The following PHKB variants were observed in gnomAD, a reference collection of about 807,000 sequenced individuals.
PHKB encodes phosphorylase kinase regulatory subunit beta.
Under a neutral mutation model 152.1 loss-of-function variants are expected in PHKB, and 122 were observed. The ratio of observed to expected loss-of-function variants is 0.80; its 90% CI spans 0.69 to 0.93. The LOEUF (loss-of-function observed/expected upper bound fraction) is 0.93. Among genes scored for constraint, PHKB ranks in the 40% least tolerant of loss-of-function variants. PHKB has a pLI of 0.00. For synonymous variants in PHKB, 436 were observed against 464.9 expected, an observed-to-expected ratio of 0.94 and a Z score of 0.80; for missense variants, 1,304 against 1,328.4, an observed-to-expected ratio of 0.98 and a Z score of 0.29.
rs199502015 is a variant in PHKB at position 47,515,495 on chromosome 16, C to T, written c.514-26C>T. 22 of 1,052,704 alleles carry T rather than the reference C, an allele frequency of 2.1e-5. No individual in the cohort carries two copies. In the East Asian group the frequency reaches 4.3e-4, roughly 20 times the overall value. 65.2% of individuals were successfully genotyped at this position (1,052,704 alleles called of 1,614,324 possible). A position where few individuals can be genotyped will look rare whatever the true frequency, so the allele number is the denominator to read the frequency against. On this transcript the variant is annotated intron_variant, in intron 5 of 30. Coordinates refer to ENST00000323584, the MANE Select transcript of PHKB (RefSeq NM_000293.3). ...AACTTGTTTTGGTTGTTTCCTTTAACCTTTTAATGTTTCTGTTTGTTGCAG... is the reference window on the plus strand; with the variant it reads ...AACTTGTTTTGGTTGTTTCCTTTAATCTTTTAATGTTTCTGTTTGTTGCAG...
intron 7 of PHKB, among the ~76,000 whole-genome samples, chr16:47,554,190 G>A (rs1011710353): frequency 5.3e-5 from 8 of 152,128 alleles, no homozygotes; most frequent in African/African-American, 1.9e-4. Flanking sequence ...TGTGGCTGCT[G>A]CCTTTTTTTC....
intron 14 of PHKB, among the ~76,000 whole-genome samples, chr16:47,640,006 G>A (rs1015733723): frequency 6.6e-5 from 10 of 152,144 alleles, no homozygotes; most frequent in African/African-American, 1.9e-4. Flanking sequence ...GTTTTTGTTG[G>A]ATTGTTAAAT....
chr16:47,483,178 A>C (rs1969994695), intron 1 of PHKB, among the ~76,000 whole-genome samples: 1 of 149,850 alleles, frequency 6.7e-6, no homozygotes, highest in Non-Finnish European at 1.5e-5. Flanking sequence ...AGCTGGGATT[A>C]CAGGCGCCCA....
At chr16:47,618,353 AGCATATGT>A (rs1477193007) in intron 14 of PHKB, among the ~76,000 whole-genome samples, 2 of 151,926 alleles carry the variant, frequency 1.3e-5, no homozygotes, top group Admixed American at 1.3e-4. Flanking sequence ...GAGAACTGAG[AGCATATGT>A]GCACTCTGCT....
intron 7 of PHKB, among the ~76,000 whole-genome samples, chr16:47,563,994 C>CTTTT (rs899061752): frequency 1.5e-3 from 121 of 81,910 alleles, no homozygotes; most frequent in Middle Eastern, 8.2e-3. Flanking sequence ...TTATTTCATT[C>CTTTT]TTTTTTTTTT....
intron 7 of PHKB, among the ~76,000 whole-genome samples, chr16:47,575,675 T>C (rs953770188): frequency 1.3e-5 from 2 of 151,880 alleles, no homozygotes; most frequent in Non-Finnish European, 2.9e-5. Flanking sequence ...GGACATAGAG[T>C]GTGGAATGAT....
In PHKB at chr16:47,620,624, C is replaced by T. The variant is rs527655677; in HGVS notation, c.1458+9704C>T. Among the ~76,000 whole-genome samples, 134 of 152,236 alleles carry T rather than the reference C, an allele frequency of 8.8e-4. 2 individuals carry two copies. The Middle Eastern group carries it at 0.024, about 27-fold the overall frequency. On this transcript the variant is annotated intron_variant, in intron 14 of 30. Coordinates refer to ENST00000323584, the MANE Select transcript of PHKB (RefSeq NM_000293.3). The stretch of plus-strand genomic sequence containing the variant: ...GGCATGGTGGCTCACGCCTGTAATC[C>T]CAGCACTTGGGGAGGCCGAGGCAAG...
chr16:47,576,848 T>G (rs1401598302), intron 7 of PHKB, among the ~76,000 whole-genome samples: 3 of 152,198 alleles, frequency 2.0e-5, no homozygotes, highest in Non-Finnish European at 4.4e-5. Flanking sequence ...ATTGTTATAT[T>G]TGAGGGGACT....
chr16:47,531,730 A>C (rs1159042779), intron 6 of PHKB, among the ~76,000 whole-genome samples: 2 of 152,220 alleles, frequency 1.3e-5, no homozygotes, highest in African/African-American at 4.8e-5. Context: ...AACTCATGTT[A>C]CGTTTGTGAG....
At chr16:47,504,919 G>A in intron 4 of PHKB, among the ~76,000 whole-genome samples, 1 of 152,222 alleles carries the variant, frequency 6.6e-6, no homozygotes, top group East Asian at 1.9e-4. Context: ...GCACGTGTTA[G>A]GACCTGAAAG....
chr16:47,625,276 C>G (rs997003470), intron 14 of PHKB, among the ~76,000 whole-genome samples: 1 of 152,152 alleles, frequency 6.6e-6, no homozygotes, highest in African/African-American at 2.4e-5. Context: ...AGGGCCTGGC[C>G]CATATAAGTA....
chr16:47,547,975 G>A (rs919522012), intron 7 of PHKB: 8 of 237,910 alleles, frequency 3.4e-5, no homozygotes, highest in South Asian at 1.6e-4. Flanking sequence ...TCCTGACCAC[G>A]GATGCTTACA....
intron 1 of PHKB, among the ~76,000 whole-genome samples, chr16:47,495,298 G>A (rs918380853): frequency 1.3e-5 from 2 of 150,066 alleles, no homozygotes; most frequent in Middle Eastern, 3.3e-3. Context: ...TAAAATCTTG[G>A]TATAAATATC....
intron 7 of PHKB, among the ~76,000 whole-genome samples, chr16:47,568,037 A>G (rs1971598829): frequency 6.6e-6 from 1 of 152,172 alleles, no homozygotes; most frequent in African/African-American, 2.4e-5. Flanking sequence ...CTTTGGTATC[A>G]GGGTGATACC....
At chr16:47,467,537 A>C (rs1431110822) in intron 1 of PHKB, among the ~76,000 whole-genome samples, 1 of 152,202 alleles carries the variant, frequency 6.6e-6, no homozygotes, top group Non-Finnish European at 1.5e-5. Flanking sequence ...CGCTTCATGT[A>C]GCATGGAATT....
At chr16:47,625,270 C>T (rs766678391) in intron 14 of PHKB, among the ~76,000 whole-genome samples, 4 of 152,216 alleles carry the variant, frequency 2.6e-5, no homozygotes, top group Non-Finnish European at 4.4e-5. Flanking sequence ...TTAGGCAGGG[C>T]CTGGCCCATA....
rs193031547 is a variant in PHKB at position 47,644,892 on chromosome 16, A to G, written c.1608+3200A>G. Among the ~76,000 whole-genome samples the G allele has an allele frequency of 2.0e-4, 30 of 152,348 alleles. No homozygotes were observed. In the East Asian group the frequency reaches 5.8e-3, roughly 29 times the overall value. On this transcript the variant is annotated intron_variant, in intron 16 of 30. Coordinates refer to ENST00000323584, the MANE Select transcript of PHKB (RefSeq NM_000293.3). ...GAAATTTTCTAGTAGAAAAATGTTT[A>G]TATTGAAATACCACATGTTGAAATG... is the stretch of plus-strand genomic sequence containing the variant.
At chr16:47,513,019 C>T (rs1970536346) in intron 5 of PHKB, among the ~76,000 whole-genome samples, 1 of 152,186 alleles carries the variant, frequency 6.6e-6, no homozygotes, top group African/African-American at 2.4e-5. Flanking sequence ...AGTTTCTCAA[C>T]CTTAACCTTT....
chr16:47,566,346 G>T, intron 7 of PHKB: 1 of 1,399,072 alleles, frequency 7.1e-7, no homozygotes, highest in Non-Finnish European at 1.0e-6. Context: ...ATCACAGCCA[G>T]AAGAATGATC....
Sources: gnomAD v4.1 joint callset for allele counts (sites outside exome capture counted in the v4.1 genomes callset) on GRCh38, gnomAD v4.1.1 for gene constraint, MANE v1.5 for transcripts, NCBI Gene and HGNC (gene_info 2026-07-23, HGNC 2026-07-21) for gene names.